ROR2: variants seen among roughly 807,000 people sequenced by gnomAD.
ROR2 encodes the protein tyrosine-protein kinase transmembrane receptor ROR2.
A neutral mutation model predicts 74.9 loss-of-function variants in ROR2; 33 were observed. The ratio of observed to expected loss-of-function variants is 0.44; its 90% CI spans 0.33 to 0.59. The LOEUF is 0.59. Among genes scored for constraint, ROR2 ranks in the 20% least tolerant of loss-of-function variants. The pLI is 0.02. For synonymous variants in ROR2, 586 were observed against 558.7 expected (o/e 1.05, Z -0.69); for missense variants, 1,216 against 1,313.8 (o/e 0.93, Z 1.15).
At chr9:91,817,275 T>C (rs1827972195) in intron 1 of ROR2, among the ~76,000 whole-genome samples, 1 of 152,226 alleles carries the variant, frequency 6.6e-6, no homozygotes, top group Non-Finnish European at 1.5e-5. Context: ...GTCCCCACCC[T>C]GAGTTCATGC....
intron 1 of ROR2, among the ~76,000 whole-genome samples, chr9:91,821,608 C>A (rs1587752692): frequency 6.6e-6 from 1 of 152,170 alleles, no homozygotes; most frequent in African/African-American, 2.4e-5. Flanking sequence ...GTCACTTACT[C>A]CCCCTGTCCT....
At chr9:91,931,308 C>T (rs1337677631) in intron 1 of ROR2, among the ~76,000 whole-genome samples, 7 of 152,180 alleles carry the variant, frequency 4.6e-5, no homozygotes, top group Admixed American at 3.9e-4. Flanking sequence ...TAATGTCATA[C>T]TCTCCTTAAT....
intron 1 of ROR2, among the ~76,000 whole-genome samples, chr9:91,832,131 C>T (rs893169046): frequency 1.3e-5 from 2 of 152,040 alleles, no homozygotes; most frequent in African/African-American, 4.8e-5. Context: ...CTCATAGAGC[C>T]CAAGGCACTC....
intron 1 of ROR2, among the ~76,000 whole-genome samples, chr9:91,933,038 ATTACAGGC>A (rs1831591876): frequency 6.6e-6 from 1 of 152,188 alleles, no homozygotes; most frequent in Non-Finnish European, 1.5e-5. Context: ...GTGGCCTATG[ATTACAGGC>A]GTTAGCCTGT....
At chr9:91,899,468 C>G (rs368755513) in intron 1 of ROR2, among the ~76,000 whole-genome samples, 3 of 152,248 alleles carry the variant, frequency 2.0e-5, no homozygotes, top group Admixed American at 6.5e-5. Context: ...ATGTGAACAC[C>G]ACCCTACCAG....
chr9:91,771,207 T>C (rs10992088), intron 2 of ROR2, among the ~76,000 whole-genome samples: 15,517 of 152,230 alleles, frequency 0.1, 1,094 homozygotes, highest in East Asian at 0.26. Context: ...AGCTCTTCTC[T>C]GAAGTCGAGA....
intron 1 of ROR2, among the ~76,000 whole-genome samples, chr9:91,926,283 T>C (rs1352711891): frequency 1.3e-5 from 2 of 151,066 alleles, no homozygotes; most frequent in Non-Finnish European, 2.9e-5. Context: ...CTTGGGAGGC[T>C]GAGGCAGGAG....
chr9:91,871,405 T>C (rs562328600), intron 1 of ROR2, among the ~76,000 whole-genome samples: 25 of 152,370 alleles, frequency 1.6e-4, no homozygotes, highest in African/African-American at 6.0e-4. Flanking sequence ...ATTAATTAAT[T>C]AATCACCCTA....
At chr9:91,866,351 C>T (rs1044487575) in intron 1 of ROR2, among the ~76,000 whole-genome samples, 7 of 151,026 alleles carry the variant, frequency 4.6e-5, no homozygotes, top group African/African-American at 1.7e-4. Flanking sequence ...AACTTCTGAT[C>T]TCATTATCTG....
Position 91,723,627 on chromosome 9 carries a change from G to C in ROR2, c.*35C>G. On this transcript the variant is annotated 3_prime_UTR_variant, in exon 9 of 9. Transcript: ENST00000375708. ...TGAGGTCCCTGTGGGGTCTCGGCGG[G>C]GCTTCTATCCCCGAACCCCGGGCCC... 9.9e-6 allele frequency: 16 copies of C among 1,609,746 alleles called. No individual in the cohort carries two copies. Among genetic ancestry groups the C allele is most frequent in the Non-Finnish European group, 1.4e-5 (16 of 1,178,784 alleles).
intron 1 of ROR2, among the ~76,000 whole-genome samples, chr9:91,869,007 C>T (rs1408556946): frequency 6.6e-6 from 1 of 152,138 alleles, no homozygotes; most frequent in African/African-American, 2.4e-5. Flanking sequence ...TAGGTATTCA[C>T]CATAGAGAGA....
chr9:91,837,203 G>C (rs541291732), intron 1 of ROR2, among the ~76,000 whole-genome samples: 1 of 152,118 alleles, frequency 6.6e-6, no homozygotes, highest in Non-Finnish European at 1.5e-5. Flanking sequence ...GCCCAAGCGA[G>C]TGCAGTGGCG....
chr9:91,736,741 G>C (rs2118724200), intron 5 of ROR2, among the ~76,000 whole-genome samples: 1 of 152,312 alleles, frequency 6.6e-6, no homozygotes, highest in African/African-American at 2.4e-5. Context: ...GCTGGGAACT[G>C]GGACAGCCAA....
chr9:91,947,146 C>T (rs1832032725), intron 1 of ROR2, among the ~76,000 whole-genome samples: 1 of 152,198 alleles, frequency 6.6e-6, no homozygotes, highest in South Asian at 2.1e-4. Flanking sequence ...AGAGCAGTCA[C>T]CAAAAACTAC....
chr9:91,940,745 C>T (rs1308449955), intron 1 of ROR2, among the ~76,000 whole-genome samples: 1 of 151,876 alleles, frequency 6.6e-6, no homozygotes, highest in African/African-American at 2.4e-5. Flanking sequence ...GGATTACAGG[C>T]ACCCAGCCCC....
chr9:91,748,499 G>A (rs377391646), intron 4 of ROR2, among the ~76,000 whole-genome samples: 169 of 152,106 alleles, frequency 1.1e-3, no homozygotes, highest in African/African-American at 4.0e-3. Context: ...ATTCCCCCAT[G>A]GAAAAAAAAT....
At chr9:91,885,894 A>G (rs1230627073) in intron 1 of ROR2, among the ~76,000 whole-genome samples, 21 of 114,922 alleles carry the variant, frequency 1.8e-4, no homozygotes, top group Non-Finnish European at 6.6e-5. Flanking sequence ...TTTTTTTGAG[A>G]CAGAATTTCA....
intron 1 of ROR2, among the ~76,000 whole-genome samples, chr9:91,838,283 C>T (rs1010454411): frequency 2.0e-5 from 3 of 152,176 alleles, no homozygotes; most frequent in South Asian, 2.1e-4. Flanking sequence ...CATTTCTGAA[C>T]CAAGTGAGCC....
At chr9:91,812,256 C>A (rs895039394) in intron 1 of ROR2, among the ~76,000 whole-genome samples, 2 of 151,988 alleles carry the variant, frequency 1.3e-5, no homozygotes, top group African/African-American at 4.8e-5. Flanking sequence ...TGTGTGAAAT[C>A]CCTACATCAC....
Sources: allele counts gnomAD v4.1 joint callset (sites outside exome capture counted in the v4.1 genomes callset), GRCh38; gene constraint gnomAD v4.1.1; transcripts MANE v1.5; gene names NCBI Gene and HGNC (gene_info 2026-07-23, HGNC 2026-07-21).